Variants in SPATA45 observed in about 807,000 individuals in gnomAD.
SPATA45 encodes spermatogenesis-associated protein 45.
Under a neutral mutation model 7.0 loss-of-function variants are expected in SPATA45, and 5 were observed. The ratio of observed to expected loss-of-function variants is 0.71; its 90% CI spans 0.37 to 1.50. The LOEUF (loss-of-function observed/expected upper bound fraction) is 1.50. SPATA45 is among the 40% of genes most tolerant of loss of function. The probability of loss-of-function intolerance (pLI) is 0.03; values close to 1 mark genes in which losing one functional copy is unlikely to be tolerated. For synonymous variants in SPATA45, 40 were observed against 38.7 expected, an observed-to-expected ratio of 1.03 and a Z score of -0.13; for missense variants, 111 against 114.9, an observed-to-expected ratio of 0.97 and a Z score of 0.16.
chr1:212,841,639 T>C (rs957670945), intron 1 of SPATA45, among the ~76,000 whole-genome samples: 6 of 150,146 alleles, frequency 4.0e-5, no homozygotes, highest in Admixed American at 1.3e-4. Context: ...TTCTTTTTTT[T>C]TTTTTTTTTT....
chr1:212,836,170 C>A lies in SPATA45; in HGVS notation c.-21G>T. On this transcript the variant is annotated 5_prime_UTR_variant, in exon 2 of 3. Coordinates refer to ENST00000332912, the MANE Select transcript of SPATA45 (RefSeq NM_001024601.3). ...GCCATTATGGTCACAAACCAATTGT[C>A]AAGTGATTCTTGCTGTCCTACAAAC... The A allele has an allele frequency of 1.3e-6, 2 of 1,580,138 alleles. No homozygotes were observed. Among genetic ancestry groups the A allele is most frequent in the South Asian group, 2.3e-5 (2 of 88,198 alleles).
At chr1:212,834,369 T>G (rs1381867919) in intron 2 of SPATA45, among the ~76,000 whole-genome samples, 1 of 151,478 alleles carries the variant, frequency 6.6e-6, no homozygotes, top group Non-Finnish European at 1.5e-5. Flanking sequence ...ATGAAGGTAT[T>G]TATCAGCTCC....
At chr1:212,831,222 G>A (rs1558095262) in intron 2 of SPATA45, among the ~76,000 whole-genome samples, 2 of 150,652 alleles carry the variant, frequency 1.3e-5, no homozygotes, top group South Asian at 2.1e-4. Flanking sequence ...TAATCCCAGC[G>A]CTTTGGGAGG....
chr1:212,843,092 G>T (rs972283166), intron 1 of SPATA45, among the ~76,000 whole-genome samples: 1 of 97,218 alleles, frequency 1.0e-5, no homozygotes, highest in African/African-American at 3.5e-5. Context: ...GCAAGACTCC[G>T]TCAAACATAC....
intron 1 of SPATA45, among the ~76,000 whole-genome samples, chr1:212,842,624 T>C (rs1663707758): frequency 6.6e-6 from 1 of 152,200 alleles, no homozygotes; most frequent in Non-Finnish European, 1.5e-5. Context: ...AACTGTATGA[T>C]CTTGTTTAAG....
rs985729704 is a variant in SPATA45 at position 212,838,236 on chromosome 1, C to T, written c.-38-2049G>A. ...AGGAGAATTGTTTGAACCTGGGAGGCGAGGTTGCGGTGAGTCAAGATCATA... is the reference window on the plus strand; with the variant it reads ...AGGAGAATTGTTTGAACCTGGGAGGTGAGGTTGCGGTGAGTCAAGATCATA... On this transcript the variant is annotated intron_variant, in intron 1 of 2. Coordinates refer to ENST00000332912, the MANE Select transcript of SPATA45 (RefSeq NM_001024601.3). Among the ~76,000 whole-genome samples, 8 of 149,150 alleles carry T rather than the reference C, an allele frequency of 5.4e-5. 1 individual carries two copies. Among genetic ancestry groups the T allele is most frequent in the African/African-American group, 1.7e-4 (7 of 40,648 alleles).
At chr1:212,844,181 C>T (rs922691472) in intron 1 of SPATA45, among the ~76,000 whole-genome samples, 1 of 152,174 alleles carries the variant, frequency 6.6e-6, no homozygotes, top group East Asian at 1.9e-4. Flanking sequence ...TTAGCTTAGC[C>T]CTCATGTCTG....
At chr1:212,833,017 A>G (rs1663519222) in intron 2 of SPATA45, among the ~76,000 whole-genome samples, 1 of 151,640 alleles carries the variant, frequency 6.6e-6, no homozygotes, top group African/African-American at 2.4e-5. Context: ...GGAGTGATAA[A>G]CACTGTGGTA....
chr1:212,843,909 T>A (rs1322507779), intron 1 of SPATA45, among the ~76,000 whole-genome samples: 1 of 151,860 alleles, frequency 6.6e-6, no homozygotes, highest in Non-Finnish European at 1.5e-5. Flanking sequence ...ACCCATATAC[T>A]CTCCTATCCT....
intron 1 of SPATA45, among the ~76,000 whole-genome samples, chr1:212,838,769 A>G (rs1293874970): frequency 6.6e-6 from 1 of 151,500 alleles, no homozygotes; most frequent in African/African-American, 2.4e-5. Context: ...TGGCGTGACC[A>G]TGGCTCACGG....
chr1:212,845,009 C>T (rs1663766158), intron 1 of SPATA45, among the ~76,000 whole-genome samples: 1 of 151,986 alleles, frequency 6.6e-6, no homozygotes, highest in Non-Finnish European at 1.5e-5. Context: ...CTCCTACCTA[C>T]ACCCCACTGA....
At chr1:212,835,256 G>T (rs1287703201) in intron 2 of SPATA45, among the ~76,000 whole-genome samples, 1 of 151,720 alleles carries the variant, frequency 6.6e-6, no homozygotes, top group African/African-American at 2.4e-5. Flanking sequence ...GGGCACGGTG[G>T]CTCACGCCTG....
At chr1:212,840,313 T>G (rs1406768507) in intron 1 of SPATA45, among the ~76,000 whole-genome samples, 1 of 145,116 alleles carries the variant, frequency 6.9e-6, no homozygotes, top group Non-Finnish European at 1.6e-5. Context: ...GGAAGGCTGA[T>G]TCGGAAGAAT....
chr1:212,831,719 A>G (rs552960204), intron 2 of SPATA45, among the ~76,000 whole-genome samples: 1 of 151,398 alleles, frequency 6.6e-6, no homozygotes, highest in East Asian at 1.9e-4. Context: ...CAAATACTCT[A>G]TGCAAAATCT....
At chr1:212,836,734 C>T (rs1030992167) in intron 1 of SPATA45, among the ~76,000 whole-genome samples, 5 of 151,256 alleles carry the variant, frequency 3.3e-5, no homozygotes, top group African/African-American at 9.7e-5. Context: ...CTGCAACCTC[C>T]GCCTCCAGGG....
intron 1 of SPATA45, among the ~76,000 whole-genome samples, chr1:212,846,875 A>G (rs1558099506): frequency 6.6e-6 from 1 of 151,966 alleles, no homozygotes; most frequent in Non-Finnish European, 1.5e-5. Context: ...GGGCTTTGAA[A>G]CTTCTTTTTC....
chr1:212,843,403 T>G (rs1663727621), intron 1 of SPATA45, among the ~76,000 whole-genome samples: 1 of 152,132 alleles, frequency 6.6e-6, no homozygotes, highest in Non-Finnish European at 1.5e-5. Context: ...CAACCAACCC[T>G]CAATAAGTGG....
Position 212,843,735 on chromosome 1 carries a change from C to A in SPATA45, c.-39+3845G>T, listed in dbSNP as rs972933436. Among the ~76,000 whole-genome samples, 6 of 152,182 alleles carry A rather than the reference C, an allele frequency of 3.9e-5. No homozygotes were observed. In the East Asian group the frequency reaches 1.2e-3, roughly 29 times the overall value. ...TGACATAGGAACAGGCCAATTCCAA[C>A]TGCTAATTCATCCAATTTTACAATC... On this transcript the variant is annotated intron_variant, in intron 1 of 2. Transcript: ENST00000332912.
At chr1:212,841,043 C>T (rs528576157) in intron 1 of SPATA45, among the ~76,000 whole-genome samples, 23 of 152,198 alleles carry the variant, frequency 1.5e-4, no homozygotes, top group African/African-American at 5.3e-4. Flanking sequence ...TGGTTTCATG[C>T]GATTCTCCTG....
Sources: allele counts gnomAD v4.1 joint callset (sites outside exome capture counted in the v4.1 genomes callset), GRCh38; gene constraint gnomAD v4.1.1; transcripts MANE v1.5; gene names NCBI Gene and HGNC (gene_info 2026-07-23, HGNC 2026-07-21).